The following GRM7 variants were observed in gnomAD, a reference collection of about 807,000 sequenced individuals.
GRM7 encodes metabotropic glutamate receptor 7.
Under a neutral mutation model 84.5 loss-of-function variants are expected in GRM7, and 35 were observed. The observed-to-expected ratio is 0.41, with a 90% CI of 0.32 to 0.55. The LOEUF (loss-of-function observed/expected upper bound fraction) is 0.55, where lower values mean the gene tolerates loss of function less well. GRM7 is among the 20% of genes least tolerant of loss of function. The pLI is 0.19. For synonymous variants in GRM7, 487 were observed against 455.1 expected (o/e 1.07, Z -0.89); for missense variants, 1,003 against 1,194.6 (o/e 0.84, Z 2.36).
At chr3:7,468,252 C>T (rs1256800057) in intron 7 of GRM7, among the ~76,000 whole-genome samples, 2 of 152,126 alleles carry the variant, frequency 1.3e-5, no homozygotes, top group Non-Finnish European at 2.9e-5. Context: ...AAATCTAGTA[C>T]TTCTTCAGCT....
intron 4 of GRM7, among the ~76,000 whole-genome samples, chr3:7,335,651 A>G (rs1187812615): frequency 6.6e-6 from 1 of 152,072 alleles, no homozygotes; most frequent in East Asian, 1.9e-4. Flanking sequence ...AAATCAATAG[A>G]CCATTAGTGA....
chr3:7,549,130 C>G (rs796635), intron 7 of GRM7, among the ~76,000 whole-genome samples: 107,385 of 152,138 alleles, frequency 0.71, 38,297 homozygotes, highest in African/African-American at 0.79. Flanking sequence ...TAGAATTTTA[C>G]AAATGTTATG....
chr3:6,864,205 A>G (rs1162518412), intron 1 of GRM7, among the ~76,000 whole-genome samples: 1 of 152,184 alleles, frequency 6.6e-6, no homozygotes, highest in South Asian at 2.1e-4. Flanking sequence ...CCTAGTTTTC[A>G]CCTGCGTTTA....
At chr3:6,902,789 T>TATA (rs1285491964) in intron 1 of GRM7, among the ~76,000 whole-genome samples, 10 of 151,726 alleles carry the variant, frequency 6.6e-5, no homozygotes, top group African/African-American at 1.9e-4. Flanking sequence ...TCGTTAAGAG[T>TATA]GTAGTAAGGT....
intron 2 of GRM7, among the ~76,000 whole-genome samples, chr3:7,297,733 T>G (rs1699860805): frequency 6.6e-6 from 1 of 152,350 alleles, no homozygotes; most frequent in South Asian, 2.1e-4. Flanking sequence ...CATTACACAT[T>G]AGAGTAAGGT....
chr3:7,134,143 A>T (rs1025876010), intron 1 of GRM7, among the ~76,000 whole-genome samples: 16 of 152,150 alleles, frequency 1.1e-4, no homozygotes, highest in African/African-American at 3.9e-4. Context: ...TAACCCTGTG[A>T]TGTGTCTTGG....
At chr3:7,518,321 A>C (rs2124986931) in intron 7 of GRM7, among the ~76,000 whole-genome samples, 1 of 152,364 alleles carries the variant, frequency 6.6e-6, no homozygotes, top group East Asian at 1.9e-4. Flanking sequence ...GGCAGCTGCA[A>C]GTTAATGCCA....
chr3:7,314,196 T>C (rs1193899829), intron 4 of GRM7, among the ~76,000 whole-genome samples: 2 of 152,126 alleles, frequency 1.3e-5, no homozygotes, highest in South Asian at 2.1e-4. Context: ...CCTTGCCCAA[T>C]TGAGAACTGA....
chr3:7,185,204 T>C (rs1319666287), intron 2 of GRM7, among the ~76,000 whole-genome samples: 1 of 152,198 alleles, frequency 6.6e-6, no homozygotes, highest in East Asian at 1.9e-4. Flanking sequence ...AAGCAGCTTA[T>C]ACTTGTGACC....
intron 9 of GRM7, among the ~76,000 whole-genome samples, chr3:7,734,692 T>TG (rs1246413352): frequency 2.0e-5 from 3 of 152,206 alleles, no homozygotes; most frequent in African/African-American, 7.2e-5. Flanking sequence ...CACATTCTCC[T>TG]GGGAGATGGA....
intron 8 of GRM7, chr3:7,591,367 C>T (rs1487768466): frequency 2.0e-5 from 6 of 299,584 alleles, no homozygotes; most frequent in Middle Eastern, 5.5e-4. Flanking sequence ...GAAAAAAATA[C>T]AGTAATACAC....
At chr3:7,526,331 C>CT (rs1700806579) in intron 7 of GRM7, among the ~76,000 whole-genome samples, 1 of 150,108 alleles carries the variant, frequency 6.7e-6, no homozygotes, top group South Asian at 2.1e-4. Context: ...TTATTGGCTG[C>CT]TTGTATGCCT....
intron 1 of GRM7, among the ~76,000 whole-genome samples, chr3:6,949,149 C>T (rs887707970): frequency 2.0e-5 from 3 of 152,056 alleles, no homozygotes; most frequent in Admixed American, 1.3e-4. Flanking sequence ...TATTCCTAGC[C>T]TCGATGGTCT....
In GRM7 at chr3:7,146,523, C is replaced by T. The variant is rs201728113; in HGVS notation, c.591C>T (p.Arg197=). ...SDDRRYDFFS[R]VVPPDSFQAQ... ...ACCGGCGCTATGACTTCTTCTCTCG[C>T]GTGGTGCCACCCGATTCCTTCCAAG... Residue 197 remains arginine (R), a synonymous_variant, in exon 2 of 10, where the codon CGC becomes CGT. Transcript: ENST00000357716. 1.3e-5 allele frequency: 21 copies of T among 1,613,966 alleles called. No homozygotes were observed. Among genetic ancestry groups the T allele is most frequent in the South Asian group, 1.1e-4 (10 of 91,066 alleles).
chr3:6,949,686 G>T (rs1692639210), intron 1 of GRM7, among the ~76,000 whole-genome samples: 1 of 151,962 alleles, frequency 6.6e-6, no homozygotes, highest in Admixed American at 6.6e-5. Flanking sequence ...GTCACTTTCA[G>T]GTACACCAAT....
At chr3:7,222,016 C>G (rs902238242) in intron 2 of GRM7, among the ~76,000 whole-genome samples, 2 of 151,876 alleles carry the variant, frequency 1.3e-5, no homozygotes, top group Admixed American at 1.3e-4. Flanking sequence ...ACCATGTTGA[C>G]CGGGCTGGTT....
At chr3:7,135,216 C>A (rs1224752014) in intron 1 of GRM7, among the ~76,000 whole-genome samples, 1 of 152,138 alleles carries the variant, frequency 6.6e-6, no homozygotes, top group Non-Finnish European at 1.5e-5. Flanking sequence ...CCTATGTGAG[C>A]AGAGATGATA....
In GRM7 at chr3:7,206,902, T is replaced by C. The variant is rs1275102818; in HGVS notation, c.736+60234T>C. Among the ~76,000 whole-genome samples, 4 of 152,234 alleles carry C rather than the reference T, an allele frequency of 2.6e-5. No individual in the cohort carries two copies. In the South Asian group the frequency reaches 8.3e-4, roughly 32 times the overall value. On this transcript the variant is annotated intron_variant, in intron 2 of 9. Coordinates refer to ENST00000357716, the MANE Select transcript of GRM7 (RefSeq NM_000844.4). ...GAACCCCCAGGTGTTGGGGGATGCT[T>C]ATGTGGATGGAGTGTCAGAGAAGTT...
At chr3:6,995,647 G>C (rs1294043646) in intron 1 of GRM7, among the ~76,000 whole-genome samples, 3 of 152,030 alleles carry the variant, frequency 2.0e-5, no homozygotes, top group Admixed American at 6.5e-5. Context: ...ATCATATCAA[G>C]AATCAAAGAA....
Sources: gnomAD v4.1 joint callset for allele counts (sites outside exome capture counted in the v4.1 genomes callset) on GRCh38, gnomAD v4.1.1 for gene constraint, MANE v1.5 for transcripts, NCBI Gene and HGNC (gene_info 2026-07-23, HGNC 2026-07-21) for gene names.